VAV3: variants seen among roughly 807,000 people sequenced by gnomAD.
VAV3 encodes guanine nucleotide exchange factor VAV3.
Under a neutral mutation model 131.2 loss-of-function variants are expected in VAV3, and 94 were observed. That is an observed-to-expected ratio of 0.72 (90% CI 0.61 to 0.85). The LOEUF is 0.85. VAV3 is among the 40% of genes least tolerant of loss of function. The pLI is 0.00. For synonymous variants in VAV3, 349 were observed against 342.0 expected (o/e 1.02, Z -0.22); for missense variants, 939 against 1,002.7 (o/e 0.94, Z 0.86).
intron 17 of VAV3, among the ~76,000 whole-genome samples, chr1:107,702,283 A>C (rs1233156715): frequency 6.6e-6 from 1 of 152,118 alleles, no homozygotes; most frequent in African/African-American, 2.4e-5. Context: ...CTCACTCACT[A>C]TCATGAGAAC....
intron 1 of VAV3, among the ~76,000 whole-genome samples, chr1:107,953,702 G>A (rs2101357361): frequency 6.6e-6 from 1 of 152,198 alleles, no homozygotes; most frequent in African/African-American, 2.4e-5. Flanking sequence ...GACCTTAAGT[G>A]TTCCCATTAA....
rs1253014594 is a variant in VAV3 at position 107,710,398 on chromosome 1, T to C, written c.1503-5337A>G. Among the ~76,000 whole-genome samples, 4 of 152,344 alleles carry C rather than the reference T, an allele frequency of 2.6e-5. 1 individual carries two copies. Among genetic ancestry groups the C allele is most frequent in the Middle Eastern group, 6.8e-3 (2 of 294 alleles). On this transcript the variant is annotated intron_variant, in intron 15 of 26. Coordinates refer to ENST00000370056, the MANE Select transcript of VAV3 (RefSeq NM_006113.5). ...ACCTGTCTGAATGCAACAGGCTTTT[T>C]TGTATCAAAAATACATCGATTTATA... is the stretch of plus-strand genomic sequence containing the variant.
chr1:107,952,036 C>T (rs528114367), intron 1 of VAV3, among the ~76,000 whole-genome samples: 1 of 152,218 alleles, frequency 6.6e-6, no homozygotes, highest in African/African-American at 2.4e-5. Context: ...TTCACTACAG[C>T]ACTATTCACA....
At chr1:107,659,823 T>C (rs1269221445) in intron 19 of VAV3, among the ~76,000 whole-genome samples, 3 of 152,158 alleles carry the variant, frequency 2.0e-5, no homozygotes, top group African/African-American at 2.4e-5. Context: ...TAAAATCTAT[T>C]GATTGGGTAA....
intron 2 of VAV3, among the ~76,000 whole-genome samples, chr1:107,858,861 A>C (rs1241193170): frequency 1.3e-5 from 2 of 152,116 alleles, no homozygotes; most frequent in Non-Finnish European, 1.5e-5. Flanking sequence ...ATGACATCTC[A>C]TTCTTCAAAT....
intron 12 of VAV3, among the ~76,000 whole-genome samples, chr1:107,752,184 C>T (rs1244487509): frequency 1.3e-5 from 2 of 152,156 alleles, no homozygotes; most frequent in Non-Finnish European, 2.9e-5. Flanking sequence ...AGAAATAAGT[C>T]CTCACATATA....
chr1:107,749,195 C>A, intron 14 of VAV3, 118 bp from the exon 15 acceptor site: 1 of 879,448 alleles, frequency 1.1e-6, no homozygotes, highest in Non-Finnish European at 1.7e-6. Context: ...ACAAACTGAA[C>A]AATCAAGCTT....
intron 17 of VAV3, among the ~76,000 whole-genome samples, chr1:107,700,247 T>C (rs1042033430): frequency 6.6e-6 from 1 of 151,900 alleles, no homozygotes; most frequent in Admixed American, 6.6e-5. Context: ...CCTTATGGCC[T>C]GAAGACAAGT....
intron 2 of VAV3, among the ~76,000 whole-genome samples, chr1:107,796,617 A>G (rs765368849): frequency 9.9e-5 from 15 of 152,064 alleles, no homozygotes; most frequent in Non-Finnish European, 2.1e-4. Flanking sequence ...TTAAAAATAT[A>G]TGAATCTGTT....
intron 22 of VAV3, among the ~76,000 whole-genome samples, chr1:107,603,974 A>T (rs909233716): frequency 6.8e-6 from 1 of 146,034 alleles, no homozygotes; most frequent in East Asian, 1.9e-4. Flanking sequence ...TCAAAACCAG[A>T]ATTCAATCTC....
intron 20 of VAV3, among the ~76,000 whole-genome samples, chr1:107,639,380 T>TA (rs75758271): frequency 0.067 from 10,105 of 150,214 alleles, 341 homozygotes; most frequent in Middle Eastern, 0.092. Flanking sequence ...ATCAAGAGAA[T>TA]AAAAAAAAAG....
intron 1 of VAV3, chr1:107,964,310 C>A: frequency 5.0e-6 from 1 of 199,634 alleles, no homozygotes; most frequent in South Asian, 1.1e-4. Context: ...TCGTTTCGTC[C>A]CTCCCCTTCG....
At chr1:107,741,037 G>A (rs967793975) in intron 15 of VAV3, among the ~76,000 whole-genome samples, 1 of 152,182 alleles carries the variant, frequency 6.6e-6, no homozygotes, top group Non-Finnish European at 1.5e-5. Flanking sequence ...AGAGGAGAGA[G>A]GAGGGGACAG....
At chr1:107,601,870 T>C (rs1047372833) in intron 24 of VAV3, among the ~76,000 whole-genome samples, 4 of 152,182 alleles carry the variant, frequency 2.6e-5, no homozygotes, top group African/African-American at 9.6e-5. Context: ...AAATATCAAC[T>C]GTTAAGTGGC....
intron 1 of VAV3, among the ~76,000 whole-genome samples, chr1:107,922,770 G>T (rs1305098768): frequency 6.6e-6 from 1 of 151,366 alleles, no homozygotes; most frequent in Non-Finnish European, 1.5e-5. Context: ...GGCTAACACA[G>T]TGAAACCCCG....
intron 2 of VAV3, among the ~76,000 whole-genome samples, chr1:107,856,063 T>G (rs575402684): frequency 1.3e-5 from 2 of 152,134 alleles, no homozygotes; most frequent in Non-Finnish European, 2.9e-5. Context: ...GACCACCCCA[T>G]GCACACTCAT....
chr1:107,945,324 C>T (rs1412942966), intron 1 of VAV3, among the ~76,000 whole-genome samples: 2 of 152,124 alleles, frequency 1.3e-5, no homozygotes, highest in African/African-American at 4.8e-5. Flanking sequence ...AATTTCAGAG[C>T]AATTTAAACT....
rs535058773 is a variant in VAV3 at position 107,583,824 on chromosome 1, T to C, written c.2351-9626A>G. Among the ~76,000 whole-genome samples, 431 of 152,136 alleles carry C rather than the reference T, an allele frequency of 2.8e-3. 1 individual carries two copies. The highest frequency in any genetic ancestry group is 6.8e-3 in the Middle Eastern group (2 of 294). On this transcript the variant is annotated intron_variant, in intron 25 of 26. Coordinates refer to ENST00000370056, the MANE Select transcript of VAV3 (RefSeq NM_006113.5). ...AGAATCAATATCGCGAAAATGGCCA[T>C]ACTGCCCAAGGTAATTTATAGATTC...
At chr1:107,651,113 G>A (rs1293950569) in intron 19 of VAV3, among the ~76,000 whole-genome samples, 3 of 152,092 alleles carry the variant, frequency 2.0e-5, no homozygotes, top group Non-Finnish European at 4.4e-5. Context: ...TACCACGTGA[G>A]AACACTGAGA....
Sources: gnomAD v4.1 joint callset for allele counts (sites outside exome capture counted in the v4.1 genomes callset) on GRCh38, gnomAD v4.1.1 for gene constraint, MANE v1.5 for transcripts, NCBI Gene and HGNC (gene_info 2026-07-23, HGNC 2026-07-21) for gene names.